Variants in PTCHD4 observed in about 807,000 individuals in gnomAD.
PTCHD4 encodes the protein patched domain-containing protein 4.
A neutral mutation model predicts 58.1 loss-of-function variants in PTCHD4; 33 were observed. The ratio of observed to expected loss-of-function variants is 0.57; its 90% CI spans 0.43 to 0.76. The LOEUF (loss-of-function observed/expected upper bound fraction) is 0.76. PTCHD4 is among the 30% of genes least tolerant of loss of function. The pLI is 0.00. For synonymous variants in PTCHD4, 478 were observed against 409.6 expected (o/e 1.17, Z -2.02); for missense variants, 1,058 against 1,027.1 (o/e 1.03, Z -0.41).
chr6:48,063,469 T>C (rs1764699486), intron 3 of PTCHD4, among the ~76,000 whole-genome samples: 2 of 152,176 alleles, frequency 1.3e-5, no homozygotes, highest in Admixed American at 1.3e-4. Context: ...CAGAGAATGA[T>C]GGAGGATGTC....
intron 4 of PTCHD4, among the ~76,000 whole-genome samples, chr6:47,918,793 A>G (rs913309372): frequency 6.6e-6 from 1 of 152,194 alleles, no homozygotes; most frequent in Non-Finnish European, 1.5e-5. Flanking sequence ...AAATGGTTAC[A>G]TAGATTAACT....
chr6:47,955,608 T>C (rs980437087), intron 4 of PTCHD4, among the ~76,000 whole-genome samples: 14 of 152,142 alleles, frequency 9.2e-5, no homozygotes, highest in East Asian at 5.8e-4. Context: ...CAGTGAGTCA[T>C]GAAATCAAAT....
At position 47,879,457 on chromosome 6, in the gene PTCHD4, C is replaced by T; in HGVS notation, c.1378G>A (p.Val460Met). Residue 460 changes from valine (V) to methionine (M), a missense_variant, in exon 5 of 5, where the codon GTG (valine) becomes ATG (methionine). Coordinates refer to ENST00000339488, the MANE Select transcript of PTCHD4 (RefSeq NM_001384253.1). Reference sequence around the variant, plus strand: ...TAGAGGATGACAACAAATGGCTTCACATATATATTGGTAATCCATTCATTA... The same window carrying T: ...TAGAGGATGACAACAAATGGCTTCATATATATATTGGTAATCCATTCATTA... ...HYNEWITNIY[V>M]KPFVVILYLI... is the part of the protein sequence containing the mutation. 2 of 1,613,562 alleles carry T rather than the reference C, an allele frequency of 1.2e-6. No individual in the cohort carries two copies. The highest frequency in any genetic ancestry group is 1.7e-4 in the Middle Eastern group (1 of 6,058).
chr6:48,086,777 A>C (rs1765273412), intron 1 of PTCHD4, among the ~76,000 whole-genome samples: 1 of 152,198 alleles, frequency 6.6e-6, no homozygotes, highest in Non-Finnish European at 1.5e-5. Flanking sequence ...CAAGGAAAAC[A>C]TCCAATATGT....
Position 47,863,886 on chromosome 6 carries a change from A to C in PTCHD4, c.*14417T>G, listed in dbSNP as rs1162600497. ...AAAAGTCTTCTAGATGAGTTCTACC[A>C]ACAGGTAGACTTGTCAGATATGGCC... is the stretch of plus-strand genomic sequence containing the variant. On this transcript the variant is annotated 3_prime_UTR_variant, in exon 5 of 5. Coordinates refer to ENST00000339488, the MANE Select transcript of PTCHD4 (RefSeq NM_001384253.1). 1.3e-5 allele frequency among the ~76,000 whole-genome samples: 2 copies of C among 151,996 alleles called. No individual in the cohort carries two copies. Among genetic ancestry groups the C allele is most frequent in the East Asian group, 3.9e-4 (2 of 5,158 alleles).
At chr6:47,957,761 C>A (rs575739691) in intron 4 of PTCHD4, among the ~76,000 whole-genome samples, 2 of 151,304 alleles carry the variant, frequency 1.3e-5, no homozygotes, top group South Asian at 2.1e-4. Flanking sequence ...CCACCATGCC[C>A]GGCTAATTTT....
chr6:48,064,536 GA>G (rs1364896764), intron 3 of PTCHD4, among the ~76,000 whole-genome samples: 2 of 152,022 alleles, frequency 1.3e-5, no homozygotes, highest in African/African-American at 4.8e-5. Flanking sequence ...ACAATAGTAT[GA>G]TGTGTATATT....
At chr6:48,032,864 G>T (rs576470466) in intron 3 of PTCHD4, among the ~76,000 whole-genome samples, 1 of 151,942 alleles carries the variant, frequency 6.6e-6, no homozygotes, top group South Asian at 2.1e-4. Context: ...ATTATTAAAC[G>T]GCATTTTCAT....
chr6:47,872,536 G>A lies in PTCHD4; in HGVS notation c.*5767C>T, dbSNP rs1466154107. Among the ~76,000 whole-genome samples, 2 of 151,610 alleles carry A rather than the reference G, an allele frequency of 1.3e-5. No homozygotes were observed. The highest frequency in any genetic ancestry group is 4.8e-5 in the African/African-American group (2 of 41,366). On this transcript the variant is annotated 3_prime_UTR_variant, in exon 5 of 5. Transcript: ENST00000339488. ...ACACAGCAGGAATCACACACCATCAGTGGTGATTCCTACTCTGTTCCTAAA... is the reference window on the plus strand; with the variant it reads ...ACACAGCAGGAATCACACACCATCAATGGTGATTCCTACTCTGTTCCTAAA...
At chr6:47,892,286 T>G (rs957994199) in intron 4 of PTCHD4, among the ~76,000 whole-genome samples, 3 of 152,104 alleles carry the variant, frequency 2.0e-5, no homozygotes, top group Admixed American at 6.6e-5. Flanking sequence ...AATTAAGACC[T>G]AGAATAAAAA....
chr6:48,046,912 A>G (rs1306051073), intron 3 of PTCHD4, among the ~76,000 whole-genome samples: 3 of 151,806 alleles, frequency 2.0e-5, no homozygotes, highest in Non-Finnish European at 4.4e-5. Flanking sequence ...CTAACTTCTA[A>G]ATGTTTTCTG....
chr6:47,893,165 C>T (rs548551545), intron 4 of PTCHD4, among the ~76,000 whole-genome samples: 3 of 152,204 alleles, frequency 2.0e-5, no homozygotes, highest in African/African-American at 4.8e-5. Context: ...CGTGTGCCAC[C>T]ACGCCCAGCT....
intron 1 of PTCHD4, among the ~76,000 whole-genome samples, chr6:48,110,597 T>C (rs981474184): frequency 5.3e-5 from 8 of 150,356 alleles, no homozygotes; most frequent in African/African-American, 2.0e-4. Context: ...TATTGTATAC[T>C]GAAAATTTGC....
chr6:47,919,850 G>T (rs758374828), intron 4 of PTCHD4, among the ~76,000 whole-genome samples: 1 of 152,148 alleles, frequency 6.6e-6, no homozygotes, highest in Non-Finnish European at 1.5e-5. Flanking sequence ...CAGACAGAAA[G>T]GCTATGTTGT....
intron 1 of PTCHD4, among the ~76,000 whole-genome samples, chr6:48,082,970 C>T (rs1337136972): frequency 6.6e-6 from 1 of 151,540 alleles, no homozygotes; most frequent in Admixed American, 6.6e-5. Flanking sequence ...GCTAAATAAA[C>T]ATCATTTAAT....
intron 4 of PTCHD4, among the ~76,000 whole-genome samples, chr6:47,926,861 G>A (rs1765640003): frequency 6.6e-6 from 1 of 152,190 alleles, no homozygotes; most frequent in African/African-American, 2.4e-5. Context: ...CACACACAAT[G>A]TCTGACACTA....
intron 3 of PTCHD4, among the ~76,000 whole-genome samples, chr6:48,014,176 G>A (rs1762789370): frequency 6.6e-6 from 1 of 151,998 alleles, no homozygotes; most frequent in Non-Finnish European, 1.5e-5. Context: ...GGATGTTCTG[G>A]AATTGAAAGC....
Position 48,019,544 on chromosome 6 carries a change from G to A in PTCHD4, c.418-10430C>T, listed in dbSNP as rs372771188. Among the ~76,000 whole-genome samples the A allele has an allele frequency of 5.6e-4, 85 of 152,246 alleles. No individual in the cohort carries two copies. In the South Asian group the frequency reaches 0.016, roughly 28 times the overall value. On this transcript the variant is annotated intron_variant, in intron 3 of 4. Coordinates refer to ENST00000339488, the MANE Select transcript of PTCHD4 (RefSeq NM_001384253.1). ...GAAGTCAGGAGATTGAGATCATCCTGGCTAACATGGTGAAACCCTTTCTCT... is the reference window on the plus strand; with the variant it reads ...GAAGTCAGGAGATTGAGATCATCCTAGCTAACATGGTGAAACCCTTTCTCT...
At position 47,868,055 on chromosome 6, in the gene PTCHD4, T is replaced by C. The variant is rs1452194251; in HGVS notation, c.*10248A>G. Reference sequence around the variant, plus strand: ...ATATGTCAGGGTTTTTCTGAAACTTTCCAATGTGTTCCTTTGTTTTTAAAG... The same window carrying C: ...ATATGTCAGGGTTTTTCTGAAACTTCCCAATGTGTTCCTTTGTTTTTAAAG... On this transcript the variant is annotated 3_prime_UTR_variant, in exon 5 of 5. Transcript: ENST00000339488. Among the ~76,000 whole-genome samples the C allele has an allele frequency of 1.3e-5, 2 of 151,868 alleles. No individual in the cohort carries two copies. The highest frequency in any genetic ancestry group is 3.9e-4 in the East Asian group (2 of 5,144).
Sources: allele counts gnomAD v4.1 joint callset (sites outside exome capture counted in the v4.1 genomes callset), GRCh38; gene constraint gnomAD v4.1.1; transcripts MANE v1.5; gene names NCBI Gene and HGNC (gene_info 2026-07-23, HGNC 2026-07-21).